Variants in DTWD2 observed in about 807,000 individuals in gnomAD.
DTWD2 encodes the protein DTW motif tRNA-uridine aminocarboxypropyltransferase 2.
In DTWD2, 39 loss-of-function variants were observed where a neutral mutation model predicts 31.8. The ratio of observed to expected loss-of-function variants is 1.22; its 90% CI spans 0.95 to 1.60. The LOEUF is 1.60. Ranked by LOEUF, DTWD2 falls within the 40% of genes most tolerant of loss-of-function variation. The pLI, the probability that DTWD2 is intolerant of heterozygous loss-of-function variation, is 0.00. For synonymous variants in DTWD2, 180 were observed against 142.8 expected, an observed-to-expected ratio of 1.26 and a Z score of -1.86; for missense variants, 515 against 381.5, an observed-to-expected ratio of 1.35 and a Z score of -2.92.
chr5:118,985,591 A>C (rs1755409983), intron 1 of DTWD2, among the ~76,000 whole-genome samples: 1 of 150,370 alleles, frequency 6.7e-6, no homozygotes, highest in Non-Finnish European at 1.5e-5. Flanking sequence ...GACTCTAGTA[A>C]AATCTCAGAA....
chr5:118,899,833 ACT>A (rs1325576743), intron 4 of DTWD2, among the ~76,000 whole-genome samples: 1 of 124,536 alleles, frequency 8.0e-6, no homozygotes, highest in African/African-American at 3.1e-5. Flanking sequence ...ACGGAGTCTC[ACT>A]CTGTTGCCCG....
intron 4 of DTWD2, among the ~76,000 whole-genome samples, chr5:118,893,444 C>A (rs1009475294): frequency 2.7e-5 from 4 of 147,612 alleles, no homozygotes. Flanking sequence ...CTGAAAAATG[C>A]AATAGAGGAA....
At chr5:118,895,127 A>G (rs1411555856) in intron 4 of DTWD2, among the ~76,000 whole-genome samples, 1 of 152,160 alleles carries the variant, frequency 6.6e-6, no homozygotes, top group Admixed American at 6.5e-5. Flanking sequence ...TAAAGACTCC[A>G]CAGAAAACAC....
At chr5:118,930,294 C>A (rs1032364281) in intron 3 of DTWD2, among the ~76,000 whole-genome samples, 9 of 152,116 alleles carry the variant, frequency 5.9e-5, no homozygotes, top group African/African-American at 2.2e-4. Context: ...GGAGACAAAA[C>A]AATGAATGAG....
In DTWD2 at chr5:118,836,745, C is replaced by T. The variant is rs1338565960; in HGVS notation, c.*4172G>A. ...GTCTCAGAGAGCTAGCTCGACCCTT[C>T]CACTAGGTGAAGACACAGCTAGAAT... On this transcript the variant is annotated 3_prime_UTR_variant, in exon 6 of 6. Transcript: ENST00000510708. Among the ~76,000 whole-genome samples the T allele has an allele frequency of 1.3e-5, 2 of 152,154 alleles. No homozygotes were observed. The highest frequency in any genetic ancestry group is 6.5e-5 in the Admixed American group (1 of 15,282).
intron 1 of DTWD2, among the ~76,000 whole-genome samples, chr5:118,962,285 G>A (rs951258007): frequency 6.6e-5 from 10 of 152,134 alleles, no homozygotes; most frequent in African/African-American, 2.4e-4. Context: ...AATACATTAA[G>A]ATTTAGGTTA....
At chr5:118,863,369 T>A (rs1039631458) in intron 4 of DTWD2, among the ~76,000 whole-genome samples, 11 of 152,194 alleles carry the variant, frequency 7.2e-5, no homozygotes, top group African/African-American at 2.7e-4. Context: ...CTTAAATTAA[T>A]TACATGTCAT....
chr5:118,883,969 A>G (rs1257437983), intron 4 of DTWD2, among the ~76,000 whole-genome samples: 1 of 152,258 alleles, frequency 6.6e-6, no homozygotes, highest in Non-Finnish European at 1.5e-5. Flanking sequence ...GAGACAGAAT[A>G]GTGTAGTTCA....
Position 118,928,731 on chromosome 5 carries a change from T to C in DTWD2, c.405-2A>G, listed in dbSNP as rs757138745. The C allele has an allele frequency of 3.9e-6, 6 of 1,528,182 alleles. No individual in the cohort carries two copies. The highest frequency in any genetic ancestry group is 5.3e-6 in the Non-Finnish European group (6 of 1,140,984). 94.7% of individuals were successfully genotyped at this position (1,528,182 alleles called of 1,614,324 possible). On this transcript the variant is annotated splice_acceptor_variant, in intron 3 of 5. Transcript: ENST00000510708. LOFTEE classifies it high-confidence loss of function. ...CAAACAGTTGAAAGTTCAGGATCTC[T>C]GAAAAAGTTTTTTAAAAATATATCT...
chr5:118,907,694 G>A (rs1753365530), intron 4 of DTWD2, among the ~76,000 whole-genome samples: 1 of 151,072 alleles, frequency 6.6e-6, no homozygotes, highest in South Asian at 2.1e-4. Flanking sequence ...TTGTGCCACT[G>A]CACTCAGCCT....
In DTWD2 at chr5:118,848,127, G is replaced by T. The variant is rs758934760; in HGVS notation, c.689C>A (p.Ala230Asp). Residue 230 changes from alanine (A) to aspartate (D), a missense_variant, in exon 5 of 6, where the codon GCT (alanine) becomes GAT (aspartate). Ala to Asp is a moderately radical substitution (Grantham distance 126, BLOSUM62 -2). Coordinates refer to ENST00000510708, the MANE Select transcript of DTWD2 (RefSeq NM_173666.4). ...CLSTLECAAV[A>D]LSILEKNNYI... ...ATTATTTTTCTCCAAGATGGAAAGA[G>T]CAACAGCTGCACACTCCAGTGTAGA... 6.3e-7 allele frequency: 1 copy of T among 1,587,276 alleles called. No homozygotes were observed. The highest frequency in any genetic ancestry group is 1.2e-5 in the South Asian group (1 of 85,534).
Position 118,988,461 on chromosome 5 carries a change from A to C in DTWD2, c.51T>G (p.Pro17=), listed in dbSNP as rs1188140955. Residue 17 remains proline (P), a synonymous_variant, in exon 1 of 6, where the codon CCT becomes CCG. Transcript: ENST00000510708. ...GCGTCTGAGAGCTTGAGGCCCCAGA[A>C]GGCCGCGCAACGGGCTCCTGGAGTG... ...ARTLQEPVAR[P]SGASSSQTPN... The C allele has an allele frequency of 6.9e-6, 11 of 1,605,802 alleles. No homozygotes were observed. The highest frequency in any genetic ancestry group is 9.3e-6 in the Non-Finnish European group (11 of 1,177,804).
intron 1 of DTWD2, among the ~76,000 whole-genome samples, chr5:118,973,413 T>C (rs993643718): frequency 6.6e-6 from 1 of 152,210 alleles, no homozygotes; most frequent in Non-Finnish European, 1.5e-5. Context: ...TTTCCGTATT[T>C]AGTGCTTCCT....
chr5:118,935,407 G>C (rs996795109), intron 3 of DTWD2, among the ~76,000 whole-genome samples: 3 of 152,200 alleles, frequency 2.0e-5, no homozygotes, highest in African/African-American at 7.2e-5. Flanking sequence ...GGCAGTCTTG[G>C]GAACTGAGCC....
At chr5:118,978,656 A>G (rs1755220543) in intron 1 of DTWD2, among the ~76,000 whole-genome samples, 3 of 152,256 alleles carry the variant, frequency 2.0e-5, no homozygotes, top group African/African-American at 7.2e-5. Context: ...ATGGAAATCC[A>G]TATCAAAACC....
rs1002885317 is a variant in DTWD2 at position 118,843,873 on chromosome 5, T to C, written c.727-2786A>G. Among the ~76,000 whole-genome samples the C allele has an allele frequency of 2.6e-5, 4 of 152,228 alleles. No individual in the cohort carries two copies. In the East Asian group the frequency reaches 5.8e-4, roughly 22 times the overall value. ...TACATGAGCAGATTGGCATTTTCTATCCCTTTTCAAATTTAGGCACAGCCA... is the reference window on the plus strand; with the variant it reads ...TACATGAGCAGATTGGCATTTTCTACCCCTTTTCAAATTTAGGCACAGCCA... On this transcript the variant is annotated intron_variant, in intron 5 of 5. Coordinates refer to ENST00000510708, the MANE Select transcript of DTWD2 (RefSeq NM_173666.4).
intron 1 of DTWD2, among the ~76,000 whole-genome samples, chr5:118,951,992 C>T (rs888453880): frequency 7.2e-5 from 11 of 152,086 alleles, no homozygotes; most frequent in African/African-American, 2.7e-4. Context: ...TCTCCTCTGT[C>T]TCTACCAGAA....
In DTWD2 at chr5:118,843,371, G is replaced by GAGGAAGGGAGGAAGGAAGGAAGGAAGGA. The variant is rs754423234; in HGVS notation, c.727-2285_727-2284insTCCTTCCTTCCTTCCTTCCTCCCTTCCT. Reference sequence around the variant, plus strand: ...GCAGGGAGGGAGGAAGGGAGGAAGGGAGGAAGGAAGGAGAGAGATAGAAAG... The same window carrying GAGGAAGGGAGGAAGGAAGGAAGGAAGGA: ...GCAGGGAGGGAGGAAGGGAGGAAGGGAGGAAGGGAGGAAGGAAGGAAGGAAGGAAGGAAGGAAGGAGAGAGATAGAAAG... On this transcript the variant is annotated intron_variant, in intron 5 of 5. Transcript: ENST00000510708. Among the ~76,000 whole-genome samples the GAGGAAGGGAGGAAGGAAGGAAGGAAGGA allele has an allele frequency of 4.2e-3, 609 of 143,724 alleles. 3 individuals carry two copies. Among genetic ancestry groups the GAGGAAGGGAGGAAGGAAGGAAGGAAGGA allele is most frequent in the African/African-American group, 0.014 (521 of 36,716 alleles). The allele number at this position is 143,724 out of a possible 152,430, so 94.3% of individuals were successfully genotyped here.
chr5:118,842,632 C>T lies in DTWD2; in HGVS notation c.727-1545G>A, dbSNP rs368491124. On this transcript the variant is annotated intron_variant, in intron 5 of 5. Transcript: ENST00000510708. ...ACTGCAGTAAGGGCTCTCTTACATG[C>T]AGGCAAATATAATTCCTTACTGTAA... is the stretch of plus-strand genomic sequence containing the variant. Among the ~76,000 whole-genome samples the T allele has an allele frequency of 3.3e-5, 5 of 152,204 alleles. No homozygotes were observed. In the East Asian group the frequency reaches 7.7e-4, roughly 24 times the overall value.
Sources: gnomAD v4.1 joint callset for allele counts (sites outside exome capture counted in the v4.1 genomes callset) on GRCh38, gnomAD v4.1.1 for gene constraint, MANE v1.5 for transcripts, NCBI Gene and HGNC (gene_info 2026-07-23, HGNC 2026-07-21) for gene names.